MEF2B: variants seen among roughly 807,000 people sequenced by gnomAD.
MEF2B encodes myocyte-specific enhancer factor 2B.
MEF2B carries 15 observed loss-of-function variants against 32.2 expected under a neutral mutation model. That is an observed-to-expected ratio of 0.47 (90% CI 0.31 to 0.72). The LOEUF is 0.72. Among genes scored for constraint, MEF2B ranks in the 30% least tolerant of loss-of-function variants. The pLI, the probability that MEF2B is intolerant of heterozygous loss-of-function variation, is 0.05. For synonymous variants in MEF2B, 205 were observed against 225.6 expected, an observed-to-expected ratio of 0.91 and a Z score of 0.82; for missense variants, 441 against 511.5, an observed-to-expected ratio of 0.86 and a Z score of 1.33.
intron 1 of MEF2B, among the ~76,000 whole-genome samples, chr19:19,169,854 A>G (rs2146392306): frequency 6.6e-6 from 1 of 152,242 alleles, no homozygotes; most frequent in African/African-American, 2.4e-5. Flanking sequence ...ACCAGGAGAG[A>G]GGGACATCAC....
At position 19,145,717 on chromosome 19, in the gene MEF2B, A is replaced by G; in HGVS notation, c.*80T>C. 6.4e-7 allele frequency: 1 copy of G among 1,556,216 alleles called. No homozygotes were observed. Among genetic ancestry groups the G allele is most frequent in the Non-Finnish European group, 8.7e-7 (1 of 1,150,110 alleles). The stretch of plus-strand genomic sequence containing the variant: ...CGTCACTGTTGGGTCTTCTCTGAAG[A>G]GGCCTGGAGGGAGGTGGGGTCCCCA... On this transcript the variant is annotated 3_prime_UTR_variant, in exon 9 of 9. Transcript: ENST00000424583. This position sits in a 1 kb window ranked among gnomAD's most constrained non-coding sequence, Gnocchi z 4.6.
At chr19:19,146,069 G>A in intron 8 of MEF2B, 47 bp from the exon 9 acceptor site, 1 of 1,381,172 alleles carries the variant, frequency 7.2e-7, no homozygotes, top group Non-Finnish European at 9.5e-7. Flanking sequence ...GCGAGGAAGG[G>A]AAGGAAGCCA....
intron 1 of MEF2B, among the ~76,000 whole-genome samples, chr19:19,169,790 G>A (rs2060238974): frequency 6.6e-6 from 1 of 152,274 alleles, no homozygotes; most frequent in East Asian, 1.9e-4. Context: ...TACACCCACA[G>A]CAAGAAGGCA....
intron 1 of MEF2B, among the ~76,000 whole-genome samples, chr19:19,155,675 G>T (rs553942110): frequency 2.0e-5 from 3 of 152,344 alleles, no homozygotes; most frequent in African/African-American, 7.2e-5. Context: ...GGCAAAGAAT[G>T]CGGAGGCGGC....
At chr19:19,146,486 G>T in intron 7 of MEF2B, 69 bp downstream of exon 7, 1 of 1,422,682 alleles carries the variant, frequency 7.0e-7, no homozygotes, top group Non-Finnish European at 9.4e-7. Context: ...GGGTGGGAGG[G>T]TGTGGAACCC....
rs765977808 is a variant in MEF2B, at chr19:19,168,597, TTTG to T, written c.-30+1605_-30+1607del. 1.2e-3 allele frequency among the ~76,000 whole-genome samples: 176 copies of T among 151,330 alleles called. 2 individuals carry two copies. The highest frequency in any genetic ancestry group is 2.0e-3 in the Non-Finnish European group (137 of 67,810). ...CATTTTTTTGTTTCTTTTCTTTCTT[TTTG>T]TTTTTCTTTTAGAGACAGGATCTTG... is the stretch of plus-strand genomic sequence containing the variant. On this transcript the variant is annotated intron_variant, in intron 1 of 8. Transcript: ENST00000424583.
intron 5 of MEF2B, 73 bp from the exon 6 acceptor site, chr19:19,146,948 T>A (rs963950789): frequency 6.4e-7 from 1 of 1,571,536 alleles, no homozygotes; most frequent in South Asian, 1.2e-5. Context: ...GGTTTAGAGG[T>A]GATGCACGCA....
chr19:19,152,380 C>CAAAA (rs749560348), intron 1 of MEF2B, among the ~76,000 whole-genome samples: 9 of 113,368 alleles, frequency 7.9e-5, no homozygotes, highest in Non-Finnish European at 9.0e-5. Flanking sequence ...GACTCTGTCT[C>CAAAA]AAAAAAAAAA....
rs550812584 is a variant in MEF2B at position 19,166,085 on chromosome 19, G to A, written c.-30+4120C>T. On this transcript the variant is annotated intron_variant, in intron 1 of 8. Transcript: ENST00000424583. ...CCCCCAGACACCCCAGGGAAGCAGC[G>A]ATAGTTGCCCTGTTTTGCACAGGAG... 4.6e-5 allele frequency among the ~76,000 whole-genome samples: 7 copies of A among 152,206 alleles called. No individual in the cohort carries two copies. The East Asian group carries it at 1.2e-3, about 25-fold the overall frequency.
At chr19:19,168,185 A>C (rs2060224328) in intron 1 of MEF2B, among the ~76,000 whole-genome samples, 1 of 152,092 alleles carries the variant, frequency 6.6e-6, no homozygotes, top group Non-Finnish European at 1.5e-5. Flanking sequence ...CGAATGCCCA[A>C]GGTCCAGGGG....
Position 19,158,555 on chromosome 19 carries a change from C to CA in MEF2B, c.-29-7792dup, listed in dbSNP as rs201593333. On this transcript the variant is annotated intron_variant, in intron 1 of 8. Coordinates refer to ENST00000424583, the MANE Select transcript of MEF2B (RefSeq NM_001145785.2). ...GGAGGATCACTTGAGCCCAGGAGTT[C>CA]AAGACCAGCCTGGGCAACATGGCAA... Among the ~76,000 whole-genome samples, 1,387 of 142,628 alleles carry CA rather than the reference C, an allele frequency of 9.7e-3. 27 individuals carry two copies. Among genetic ancestry groups the CA allele is most frequent in the East Asian group, 0.08 (366 of 4,586 alleles). 93.6% of individuals were successfully genotyped at this position (142,628 alleles called of 152,430 possible). A position where few individuals can be genotyped will look rare whatever the true frequency, so the allele number is the denominator to read the frequency against.
Position 19,146,312 on chromosome 19 carries a change from G to T in MEF2B, c.842C>A (p.Ser281Ter). Residue 281 changes from serine (S) to a stop codon, truncating the protein, a stop_gained, in exon 8 of 9, where the codon TCG becomes TAG. Coordinates refer to ENST00000424583, the MANE Select transcript of MEF2B (RefSeq NM_001145785.2). LOFTEE classifies it low-confidence loss of function (END_TRUNC). ...QPPTLAPWQP[S>*]RGDGPPAVSS... ...CACGGCGGGGGGCCCATCACCCCTC[G>T]AGGGCTGCCAGGGGGCCAGGGTGGG... 2 of 1,345,722 alleles carry T rather than the reference G, an allele frequency of 1.5e-6. No homozygotes were observed. The highest frequency in any genetic ancestry group is 1.9e-6 in the Non-Finnish European group (2 of 1,043,838). The allele number at this position is 1,345,722 out of a possible 1,614,324, so 83.4% of individuals were successfully genotyped here.
intron 1 of MEF2B, among the ~76,000 whole-genome samples, chr19:19,168,381 C>G (rs2060226699): frequency 6.9e-6 from 1 of 145,488 alleles, no homozygotes; most frequent in African/African-American, 2.5e-5. Flanking sequence ...TCAAGCGATT[C>G]TCCTGCCTCA....
intron 1 of MEF2B, among the ~76,000 whole-genome samples, chr19:19,167,807 G>A (rs1490804824): frequency 6.6e-6 from 1 of 152,196 alleles, no homozygotes; most frequent in Admixed American, 6.5e-5. Flanking sequence ...ACACAGAGAG[G>A]AGGGAGAGGA....
chr19:19,155,294 C>G (rs2060112719), intron 1 of MEF2B, among the ~76,000 whole-genome samples: 1 of 152,168 alleles, frequency 6.6e-6, no homozygotes, highest in South Asian at 2.1e-4. Flanking sequence ...TTTCACCAAG[C>G]CAACTCCTAT....
chr19:19,162,690 G>A (rs1486995148), intron 1 of MEF2B, among the ~76,000 whole-genome samples: 2 of 152,144 alleles, frequency 1.3e-5, no homozygotes, highest in Non-Finnish European at 2.9e-5. Flanking sequence ...GCTCCTGTTC[G>A]AGGGGCAGGA....
At position 19,147,805 on chromosome 19, in the gene MEF2B, C is replaced by T. The variant is rs138148108; in HGVS notation, c.286G>A (p.Asp96Asn). 5.6e-5 allele frequency: 90 copies of T among 1,613,454 alleles called. No individual in the cohort carries two copies. Among genetic ancestry groups the T allele is most frequent in the Admixed American group, 1.3e-4 (8 of 60,002 alleles). Residue 96 changes from aspartate (D) to asparagine (N), a missense_variant, in exon 4 of 9, where the codon GAT (aspartate) becomes AAT (asparagine). By Grantham distance (23) the Asp-to-Asn change is conservative (BLOSUM62 1). Transcript: ENST00000424583. ...TCATCCGGCTCCAGCTCTGGCCCAT[C>T]GAGGCCAATGCCCCTCCGCTTCAGC... is the stretch of plus-strand genomic sequence containing the variant. ...ETLKRRGIGL[D>N]GPELEPDEGP... is the part of the protein sequence containing the mutation.
chr19:19,166,628 A>G (rs2060211075), intron 1 of MEF2B, among the ~76,000 whole-genome samples: 1 of 146,094 alleles, frequency 6.8e-6, no homozygotes, highest in Admixed American at 6.9e-5. Context: ...GCAAGGTAGC[A>G]CTCCCCTACA....
At chr19:19,148,883 G>A (rs1322600488) in intron 3 of MEF2B, among the ~76,000 whole-genome samples, 1 of 151,578 alleles carries the variant, frequency 6.6e-6, no homozygotes, top group Non-Finnish European at 1.5e-5. Flanking sequence ...GGCTAATTTG[G>A]GTATTTTTAG....
Sources: allele counts gnomAD v4.1 joint callset (sites outside exome capture counted in the v4.1 genomes callset), GRCh38; gene constraint gnomAD v4.1.1; non-coding constraint Gnocchi (gnomAD v3.1); transcripts MANE v1.5; gene names NCBI Gene and HGNC (gene_info 2026-07-23, HGNC 2026-07-21).